NRXN1: variants seen among roughly 807,000 people sequenced by gnomAD.
NRXN1 encodes neurexin-1.
A neutral mutation model predicts 150.9 loss-of-function variants in NRXN1; 39 were observed. That is an observed-to-expected ratio of 0.26 (90% CI 0.20 to 0.34). The LOEUF is 0.34. NRXN1 is among the 10% of genes least tolerant of loss of function. NRXN1 has a pLI of 1.00. For missense variants in NRXN1, 1,815 were observed against 1,949.9 expected (o/e 0.93, Z 1.30); for synonymous variants, 924 against 757.0 (o/e 1.22, Z -3.62).
chr2:50,475,509 A>T (rs2089916451), intron 15 of NRXN1, among the ~76,000 whole-genome samples: 1 of 152,156 alleles, frequency 6.6e-6, no homozygotes. Flanking sequence ...CTATTAAAAA[A>T]CTTACTTGCC....
intron 17 of NRXN1, among the ~76,000 whole-genome samples, chr2:50,240,840 C>A (rs1185846516): frequency 6.6e-6 from 1 of 151,644 alleles, no homozygotes; most frequent in South Asian, 2.1e-4. Flanking sequence ...GTGATAAATG[C>A]CTAATAAATT....
chr2:50,275,052 A>G (rs2070259450), intron 17 of NRXN1, among the ~76,000 whole-genome samples: 2 of 152,206 alleles, frequency 1.3e-5, no homozygotes, highest in Non-Finnish European at 2.9e-5. Context: ...ATAAAAACAG[A>G]TACTTTAAAC....
At chr2:50,957,234 T>C (rs984384489) in intron 2 of NRXN1, among the ~76,000 whole-genome samples, 4 of 152,106 alleles carry the variant, frequency 2.6e-5, no homozygotes, top group South Asian at 2.1e-4. Flanking sequence ...ATAAACCTGG[T>C]TTCAAATTTT....
intron 21 of NRXN1, among the ~76,000 whole-genome samples, chr2:49,998,333 A>G (rs1683330773): frequency 6.6e-6 from 1 of 152,202 alleles, no homozygotes; most frequent in African/African-American, 2.4e-5. Context: ...AACCTTCACC[A>G]CTTGCAAATC....
At chr2:50,263,553 T>A (rs1315661298) in intron 17 of NRXN1, among the ~76,000 whole-genome samples, 1 of 152,070 alleles carries the variant, frequency 6.6e-6, no homozygotes, top group African/African-American at 2.4e-5. Flanking sequence ...AGTTGGTCAT[T>A]AAATAATATA....
chr2:49,971,190 A>T (rs1677893613), intron 21 of NRXN1, among the ~76,000 whole-genome samples: 1 of 152,114 alleles, frequency 6.6e-6, no homozygotes, highest in Non-Finnish European at 1.5e-5. Flanking sequence ...TTTCCTATCA[A>T]TTAGCATTCT....
intron 5 of NRXN1, among the ~76,000 whole-genome samples, chr2:50,862,197 C>T (rs954335930): frequency 2.1e-5 from 3 of 139,936 alleles, no homozygotes; most frequent in Non-Finnish European, 4.6e-5. Flanking sequence ...AGCGAGATTC[C>T]ATCTCAAAAA....
intron 22 of NRXN1, among the ~76,000 whole-genome samples, chr2:49,926,815 G>C (rs1669187947): frequency 1.3e-5 from 2 of 152,130 alleles, no homozygotes; most frequent in Admixed American, 1.3e-4. Context: ...AACAAATTTA[G>C]ATCCAATTAA....
chr2:50,797,769 G>C (rs1226092574), intron 5 of NRXN1, among the ~76,000 whole-genome samples: 2 of 152,076 alleles, frequency 1.3e-5, no homozygotes, highest in African/African-American at 2.4e-5. Flanking sequence ...GGTAGCCCTG[G>C]CATATCACAG....
chr2:50,060,432 A>C (rs1223313473), intron 19 of NRXN1, among the ~76,000 whole-genome samples: 1 of 152,066 alleles, frequency 6.6e-6, no homozygotes, highest in Non-Finnish European at 1.5e-5. Flanking sequence ...GGCAGAAAGG[A>C]TTTGCCTTGT....
intron 13 of NRXN1, among the ~76,000 whole-genome samples, chr2:50,498,002 C>G (rs2091738852): frequency 1.3e-5 from 2 of 151,842 alleles, no homozygotes; most frequent in African/African-American, 4.8e-5. Flanking sequence ...AACAAATTAG[C>G]AAGAGAGTGA....
At chr2:49,943,637 T>A (rs1672395223) in intron 22 of NRXN1, 67 bp downstream of exon 22, 1 of 1,073,430 alleles carries the variant, frequency 9.3e-7, no homozygotes, top group African/African-American at 1.6e-5. Flanking sequence ...AAGGCCCTTC[T>A]AAGGAATATA....
At chr2:50,513,417 T>C (rs2105060081) in intron 12 of NRXN1, among the ~76,000 whole-genome samples, 1 of 152,274 alleles carries the variant, frequency 6.6e-6, no homozygotes, top group East Asian at 1.9e-4. Flanking sequence ...TCAAATTTTT[T>C]GGAACAGTTG....
intron 18 of NRXN1, among the ~76,000 whole-genome samples, chr2:50,154,935 T>C (rs2058923852): frequency 6.6e-6 from 1 of 151,582 alleles, no homozygotes; most frequent in African/African-American, 2.4e-5. Flanking sequence ...TGTTGCCCAA[T>C]AGATTATATT....
At chr2:50,304,412 A>G (rs2074427818) in intron 17 of NRXN1, among the ~76,000 whole-genome samples, 1 of 152,204 alleles carries the variant, frequency 6.6e-6, no homozygotes, top group South Asian at 2.1e-4. Flanking sequence ...TACTCCAGAT[A>G]TCAAAAACAA....
intron 16 of NRXN1, among the ~76,000 whole-genome samples, 167 bp downstream of exon 16, chr2:50,472,131 G>T (rs898399774): frequency 6.6e-6 from 1 of 151,746 alleles, no homozygotes; most frequent in Non-Finnish European, 1.5e-5. Context: ...AAACAGTACA[G>T]AAAATTTAAG....
intron 2 of NRXN1, among the ~76,000 whole-genome samples, chr2:50,944,348 T>C (rs552124028): frequency 6.6e-6 from 1 of 152,284 alleles, no homozygotes; most frequent in South Asian, 2.1e-4. Context: ...TACTCTCTAA[T>C]GTGACACTGG....
intron 2 of NRXN1, among the ~76,000 whole-genome samples, chr2:51,012,531 T>C (rs1159800901): frequency 6.6e-6 from 1 of 152,168 alleles, no homozygotes; most frequent in East Asian, 1.9e-4. Context: ...CTATAATTAA[T>C]AGTGAGTTTT....
intron 17 of NRXN1, among the ~76,000 whole-genome samples, chr2:50,341,163 AC>A (rs2077522547): frequency 6.6e-6 from 1 of 152,136 alleles, no homozygotes; most frequent in Non-Finnish European, 1.5e-5. Flanking sequence ...ATTTGCTGTG[AC>A]CCTATGAGTG....
Sources: gnomAD v4.1 joint callset for allele counts (sites outside exome capture counted in the v4.1 genomes callset) on GRCh38, gnomAD v4.1.1 for gene constraint, MANE v1.5 for transcripts, NCBI Gene and HGNC (gene_info 2026-07-23, HGNC 2026-07-21) for gene names.